EPB41L2: variants seen among roughly 807,000 people sequenced by gnomAD.
The protein encoded by EPB41L2 is band 4.1-like protein 2.
EPB41L2 carries 43 observed loss-of-function variants against 113.0 expected under a neutral mutation model. The ratio of observed to expected loss-of-function variants is 0.38; its 90% confidence interval spans 0.30 to 0.49. The LOEUF (loss-of-function observed/expected upper bound fraction) is 0.49, where lower values mean the gene tolerates loss of function less well. EPB41L2 is among the 20% of genes least tolerant of loss of function. EPB41L2 has a pLI of 0.95. For synonymous variants in EPB41L2, 442 were observed against 436.7 expected (o/e 1.01, Z -0.15); for missense variants, 1,147 against 1,223.4 (o/e 0.94, Z 0.93).
intron 13 of EPB41L2, among the ~76,000 whole-genome samples, chr6:130,879,024 AG>A (rs1788455170): frequency 6.6e-6 from 1 of 152,232 alleles, no homozygotes; most frequent in African/African-American, 2.4e-5. Context: ...TCATGGGAGC[AG>A]GCCCTGATAA....
At chr6:130,872,715 G>A (rs556022371) in intron 14 of EPB41L2, among the ~76,000 whole-genome samples, 1 of 152,138 alleles carries the variant, frequency 6.6e-6, no homozygotes, top group South Asian at 2.1e-4. Context: ...GTTTGTGAGC[G>A]CCAGCTTTTC....
At chr6:131,011,656 T>C (rs1449034187) in intron 1 of EPB41L2, among the ~76,000 whole-genome samples, 2 of 152,198 alleles carry the variant, frequency 1.3e-5, no homozygotes, top group Non-Finnish European at 2.9e-5. Context: ...AAGTGAAATA[T>C]ATCTTTGATG....
chr6:130,940,963 T>A (rs1262774618), intron 3 of EPB41L2, among the ~76,000 whole-genome samples: 1 of 152,190 alleles, frequency 6.6e-6, no homozygotes, highest in African/African-American at 2.4e-5. Context: ...CTGCTATTAC[T>A]GTCTTATATG....
At chr6:131,002,592 C>T (rs1046930373) in intron 1 of EPB41L2, among the ~76,000 whole-genome samples, 1 of 152,170 alleles carries the variant, frequency 6.6e-6, no homozygotes, top group Non-Finnish European at 1.5e-5. Context: ...TAAAAGGAAT[C>T]TGGCATGTGA....
chr6:130,966,424 G>A (rs1775200700), intron 1 of EPB41L2, among the ~76,000 whole-genome samples: 1 of 152,192 alleles, frequency 6.6e-6, no homozygotes, highest in African/African-American at 2.4e-5. Flanking sequence ...TATATGGATA[G>A]GATACCTTAT....
At chr6:130,909,835 C>A (rs568873147) in intron 4 of EPB41L2, among the ~76,000 whole-genome samples, 1 of 152,184 alleles carries the variant, frequency 6.6e-6, no homozygotes, top group African/African-American at 2.4e-5. Flanking sequence ...TGTGAAGGAC[C>A]TCTTCAAGGA....
chr6:130,845,401 A>T lies in EPB41L2; in HGVS notation c.*6-4803T>A, dbSNP rs538416459. Reference sequence around the variant, plus strand: ...ACCTTATTCTTTTTTTTTTAGAGGCAGGGTCTTGCTCTGTCACCCAGGCTG... The same window carrying T: ...ACCTTATTCTTTTTTTTTTAGAGGCTGGGTCTTGCTCTGTCACCCAGGCTG... On this transcript the variant is annotated intron_variant, in intron 19 of 19. Transcript: ENST00000337057. 1.1e-4 allele frequency among the ~76,000 whole-genome samples: 17 copies of T among 151,992 alleles called. No individual in the cohort carries two copies. In the South Asian group the frequency reaches 2.1e-3, roughly 19 times the overall value.
At chr6:131,029,940 A>C (rs985681102) in intron 1 of EPB41L2, among the ~76,000 whole-genome samples, 14 of 151,128 alleles carry the variant, frequency 9.3e-5, no homozygotes, top group Admixed American at 3.3e-4. Flanking sequence ...AGCCTGCACA[A>C]TTGGATTGTG....
intron 1 of EPB41L2, among the ~76,000 whole-genome samples, chr6:130,958,744 G>A (rs140890112): frequency 1.9e-4 from 29 of 152,206 alleles, no homozygotes; most frequent in East Asian, 7.7e-4. Flanking sequence ...CAGGACAGGC[G>A]GAAGCTGAAC....
chr6:131,052,510 T>C (rs1584798350), intron 1 of EPB41L2, among the ~76,000 whole-genome samples: 1 of 152,140 alleles, frequency 6.6e-6, no homozygotes, highest in East Asian at 1.9e-4. Flanking sequence ...AATTTCACAG[T>C]TTCTAACATA....
intron 18 of EPB41L2, among the ~76,000 whole-genome samples, chr6:130,861,614 G>C (rs1450749420): frequency 2.6e-5 from 4 of 152,098 alleles, no homozygotes; most frequent in Non-Finnish European, 5.9e-5. Context: ...GCTCACGACT[G>C]TAATCCCAGC....
intron 18 of EPB41L2, among the ~76,000 whole-genome samples, chr6:130,862,137 A>G (rs1782313176): frequency 6.6e-6 from 1 of 152,188 alleles, no homozygotes; most frequent in Admixed American, 6.5e-5. Context: ...AGTACTATCT[A>G]GATTTGAATT....
At chr6:130,873,341 C>T (rs13217139) in intron 14 of EPB41L2, among the ~76,000 whole-genome samples, 113,480 of 152,150 alleles carry the variant, frequency 0.75, 42,752 homozygotes, top group East Asian at 1. Flanking sequence ...CAATGGCTCC[C>T]AACCTGCCTG....
intron 12 of EPB41L2, 54 bp from the exon 13 acceptor site, chr6:130,880,260 C>G: frequency 7.7e-7 from 1 of 1,293,724 alleles, no homozygotes; most frequent in South Asian, 1.2e-5. Context: ...ATAAGTGTAT[C>G]AATCAGCAAG....
chr6:130,944,960 A>G (rs192431268), intron 3 of EPB41L2, among the ~76,000 whole-genome samples: 151 of 152,330 alleles, frequency 9.9e-4, no homozygotes, highest in Admixed American at 2.9e-3. Context: ...TTTAGTAAAT[A>G]CAAATTAAGT....
At chr6:130,899,364 A>G (rs1795625677) in intron 8 of EPB41L2, 127 bp downstream of exon 8, 17 of 703,492 alleles carry the variant, frequency 2.4e-5, no homozygotes, top group Non-Finnish European at 3.9e-5. Flanking sequence ...GAAATATTCC[A>G]GAGACCCTCA....
At chr6:131,026,139 G>GT (rs1228603557) in intron 1 of EPB41L2, among the ~76,000 whole-genome samples, 1 of 152,214 alleles carries the variant, frequency 6.6e-6, no homozygotes, top group Non-Finnish European at 1.5e-5. Context: ...GCCTTATTGA[G>GT]TGGACAGGCA....
chr6:130,869,482 G>C (rs1429830038), intron 15 of EPB41L2, 81 bp downstream of exon 15: 3 of 1,251,656 alleles, frequency 2.4e-6, no homozygotes, highest in Non-Finnish European at 3.4e-6. Context: ...GAAGAACTGG[G>C]AGGACAGGAG....
intron 3 of EPB41L2, among the ~76,000 whole-genome samples, chr6:130,937,266 C>A (rs1809128055): frequency 6.6e-6 from 1 of 152,252 alleles, no homozygotes; most frequent in Middle Eastern, 3.4e-3. Context: ...AACTTCATTG[C>A]CCTAAAAACC....
Sources: allele counts gnomAD v4.1 joint callset (sites outside exome capture counted in the v4.1 genomes callset), GRCh38; gene constraint gnomAD v4.1.1; transcripts MANE v1.5; gene names NCBI Gene and HGNC (gene_info 2026-07-23, HGNC 2026-07-21).